Variants in DACT2 observed in about 807,000 individuals in gnomAD.
DACT2 encodes the protein dishevelled binding antagonist of beta catenin 2.
DACT2 carries 20 observed loss-of-function variants against 22.2 expected under a neutral mutation model. The observed-to-expected ratio is 0.90, with a 90% CI of 0.63 to 1.31. DACT2 has a LOEUF of 1.31. DACT2 is among the 50% of genes most tolerant of loss of function. The probability of loss-of-function intolerance (pLI) is 0.00; values close to 1 mark genes in which losing one functional copy is unlikely to be tolerated. For synonymous variants in DACT2, 463 were observed against 479.8 expected (o/e 0.96, Z 0.46); for missense variants, 1,048 against 1,061.4 (o/e 0.99, Z 0.18).
chr6:168,300,301 C>A (rs1460474024), intron 3 of DACT2: 3 of 152,328 alleles, frequency 2.0e-5, no homozygotes, highest in Admixed American at 6.5e-5. Context: ...TTGGGAGCGT[C>A]CCTCCAGGAG....
chr6:168,310,797 T>G (rs1779377487), intron 2 of DACT2, among the ~76,000 whole-genome samples: 1 of 152,188 alleles, frequency 6.6e-6, no homozygotes, highest in Admixed American at 6.5e-5. Context: ...AGGACAGGCC[T>G]CTGGCCCCTG....
intron 1 of DACT2, among the ~76,000 whole-genome samples, chr6:168,315,170 T>G (rs1476869235): frequency 6.6e-6 from 1 of 152,206 alleles, no homozygotes; most frequent in African/African-American, 2.4e-5. Flanking sequence ...TGACCAGCCA[T>G]GTCAAGACGG....
At chr6:168,297,814 G>A (rs922502343) in intron 3 of DACT2, among the ~76,000 whole-genome samples, 2 of 152,370 alleles carry the variant, frequency 1.3e-5, no homozygotes, top group South Asian at 2.1e-4. Flanking sequence ...AGGAATGGAC[G>A]GATGAACTTT....
chr6:168,297,743 C>T (rs777079595), intron 3 of DACT2, among the ~76,000 whole-genome samples: 2 of 152,222 alleles, frequency 1.3e-5, no homozygotes, highest in Non-Finnish European at 2.9e-5. Flanking sequence ...GACAGAAAGA[C>T]AGAGAGATGG....
At position 168,319,613 on chromosome 6, in the gene DACT2, G is replaced by T; in HGVS notation, c.21C>A (p.Pro7=). The T allele has an allele frequency of 1.5e-6, 2 of 1,310,202 alleles. No individual in the cohort carries two copies. Among genetic ancestry groups the T allele is most frequent in the South Asian group, 1.9e-5 (1 of 51,470 alleles). 81.2% of individuals were successfully genotyped at this position (1,310,202 alleles called of 1,614,324 possible). MWTPGG[P]PGSAGWDRRR... is the part of the protein sequence containing the mutation. ...GGCGGTCCCAGCCCGCGGACCCCGG[G>T]GGTCCGCCCGGCGTCCACATCTCCC... Residue 7 remains proline (P), a synonymous_variant, in exon 1 of 4, where the codon CCC becomes CCA. Transcript: ENST00000366795.
At position 168,313,788 on chromosome 6, in the gene DACT2, C is replaced by T. The variant is rs1181691266; in HGVS notation, c.247-2504G>A. On this transcript the variant is annotated intron_variant, in intron 1 of 3. Coordinates refer to ENST00000366795, the MANE Select transcript of DACT2 (RefSeq NM_214462.5). ...GCACCCCAGCCAGCTTTGTCCTCCT[C>T]CCCCAGCCCCGTTCCCGCCCCCGTG... Among the ~76,000 whole-genome samples the T allele has an allele frequency of 3.9e-5, 6 of 152,284 alleles. No individual in the cohort carries two copies. In the East Asian group the frequency reaches 7.7e-4, roughly 20 times the overall value.
chr6:168,303,522 G>T (rs745827451), downstream of DACT2, among the ~76,000 whole-genome samples: 54 of 152,216 alleles, frequency 3.5e-4, no homozygotes, highest in Non-Finnish European at 5.6e-4. Flanking sequence ...CTTTACACAC[G>T]CCCGGTCCCC....
In DACT2 at chr6:168,308,027, A is replaced by G. The variant is rs1779266612; in HGVS notation, c.1730T>C (p.Val577Ala). 6.5e-7 allele frequency: 1 copy of G among 1,549,972 alleles called. No individual in the cohort carries two copies. Among genetic ancestry groups the G allele is most frequent in the East Asian group, 2.4e-5 (1 of 40,860 alleles). Reference protein sequence around the residue: ...YPMPVLVPLAVAPQESHRTSA... With the variant: ...YPMPVLVPLAAAPQESHRTSA... Reference sequence around the variant, plus strand: ...GGTCCGGTGGCTCTCCTGCGGGGCCACTGCCAAGGGGACGAGGACAGGCAT... The same window carrying G: ...GGTCCGGTGGCTCTCCTGCGGGGCCGCTGCCAAGGGGACGAGGACAGGCAT... The change falls in exon 4 of 4, where the codon GTG becomes GCG. Residue 577 changes from valine (V) to alanine (A), a missense_variant. By Grantham distance (64) the Val-to-Ala change is moderately conservative. Transcript: ENST00000366795.
In DACT2 at chr6:168,307,550, C is replaced by A; in HGVS notation, c.2207G>T (p.Ser736Ile). 6.4e-7 allele frequency: 1 copy of A among 1,551,308 alleles called. No homozygotes were observed. Among genetic ancestry groups the A allele is most frequent in the Middle Eastern group, 1.7e-4 (1 of 5,992 alleles). ...ELAWTQEAPV[S>I]SGPLLSPVPK... ...CACGGGGGACAGGAGTGGCCCCGAG[C>A]TGACCGGGGCCTCCTGGGTCCAGGC... Residue 736 changes from serine to isoleucine, a missense_variant, in exon 4 of 4, where the codon AGC becomes ATC. By Grantham distance (142) the Ser-to-Ile change is moderately radical (BLOSUM62 -2). Coordinates refer to ENST00000366795, the MANE Select transcript of DACT2 (RefSeq NM_214462.5). The surrounding 1 kb of genome is among the most constrained non-coding windows in gnomAD (Gnocchi z 5.3).
downstream of DACT2, among the ~76,000 whole-genome samples, chr6:168,302,370 G>A (rs1779126579): frequency 6.6e-6 from 1 of 152,140 alleles, no homozygotes; most frequent in African/African-American, 2.4e-5. Context: ...CCATATTTTT[G>A]GGACCATTTA....
chr6:168,301,440 C>G (rs1779101767), intron 3 of DACT2, among the ~76,000 whole-genome samples: 2 of 152,380 alleles, frequency 1.3e-5, no homozygotes, highest in South Asian at 4.1e-4. Flanking sequence ...CAATACACAG[C>G]CCAGGAGGCC....
chr6:168,303,737 T>C (rs755980354), downstream of DACT2, among the ~76,000 whole-genome samples: 24 of 152,236 alleles, frequency 1.6e-4, no homozygotes, highest in Non-Finnish European at 2.8e-4. Flanking sequence ...GAGAAAACTT[T>C]GCTGGGGTGC....
chr6:168,295,730 A>G (rs55752464), intron 3 of DACT2, among the ~76,000 whole-genome samples: 27,921 of 152,138 alleles, frequency 0.18, 3,527 homozygotes, highest in East Asian at 0.67. Flanking sequence ...TGACAAGATG[A>G]TCCTGTGATC....
At chr6:168,309,892 G>A (rs1779349606) in intron 3 of DACT2, among the ~76,000 whole-genome samples, 1 of 152,126 alleles carries the variant, frequency 6.6e-6, no homozygotes, top group Non-Finnish European at 1.5e-5. Context: ...GTGGATCCAG[G>A]GTTTTTGAAG....
At chr6:168,300,383 C>T (rs1265233488) in intron 3 of DACT2, 1 of 152,238 alleles carries the variant, frequency 6.6e-6, no homozygotes, top group Non-Finnish European at 1.5e-5. Context: ...GCTGCTTCAT[C>T]GTCATGGAAC....
downstream of DACT2, among the ~76,000 whole-genome samples, chr6:168,302,445 T>C (rs1419044179): frequency 6.6e-6 from 1 of 152,248 alleles, no homozygotes; most frequent in Non-Finnish European, 1.5e-5. Flanking sequence ...TAATTCTTTA[T>C]CATTTCCAGG....
At chr6:168,314,668 C>T (rs756639666) in intron 1 of DACT2, among the ~76,000 whole-genome samples, 1 of 152,206 alleles carries the variant, frequency 6.6e-6, no homozygotes, top group Non-Finnish European at 1.5e-5. Flanking sequence ...CATCGCAACA[C>T]CTTTACGGCA....
intron 1 of DACT2, among the ~76,000 whole-genome samples, chr6:168,318,897 T>A (rs1467549652): frequency 1.3e-5 from 2 of 152,126 alleles, no homozygotes; most frequent in Admixed American, 6.5e-5. Flanking sequence ...GTCAGCACAT[T>A]CCTGAGGACA....
At position 168,308,066 on chromosome 6, in the gene DACT2, G is replaced by A. The variant is rs558119772; in HGVS notation, c.1691C>T (p.Ser564Phe). ...GAGGACAGGCATGGGGTAGAGGGTG[G>A]ACTCAGAACAGGAGCGCCCGGGTGC... ...WEAPGRSCSE[S>F]TLYPMPVLVP... Residue 564 changes from serine to phenylalanine, a missense_variant, in exon 4 of 4, where the codon TCC (serine) becomes TTC (phenylalanine). By Grantham distance (155) the Ser-to-Phe change is radical (BLOSUM62 -2). Transcript: ENST00000366795. 15 of 1,547,068 alleles carry A rather than the reference G, an allele frequency of 9.7e-6. No individual in the cohort carries two copies. The East Asian group carries it at 2.0e-4, about 20-fold the overall frequency.
Sources: gnomAD v4.1 joint callset for allele counts (sites outside exome capture counted in the v4.1 genomes callset) on GRCh38, gnomAD v4.1.1 for gene constraint, Gnocchi (gnomAD v3.1) non-coding constraint, MANE v1.5 for transcripts, NCBI Gene and HGNC (gene_info 2026-07-23, HGNC 2026-07-21) for gene names.